Variants in IL15 observed in about 807,000 individuals in gnomAD.
IL15 encodes the protein interleukin 15, also known as interleukin-15.
In IL15, 11 loss-of-function variants were observed where a neutral mutation model predicts 19.6. The ratio of observed to expected loss-of-function variants is 0.56; its 90% CI spans 0.35 to 0.93. The LOEUF (loss-of-function observed/expected upper bound fraction) is 0.93. Ranked by LOEUF, IL15 falls within the 40% of genes least tolerant of loss-of-function variation. The pLI is 0.01. For missense variants in IL15, 197 were observed against 186.5 expected, an observed-to-expected ratio of 1.06 and a Z score of -0.33; for synonymous variants, 58 against 59.6, an observed-to-expected ratio of 0.97 and a Z score of 0.12.
chr4:141,675,277 C>T (rs922549605), intron 2 of IL15, among the ~76,000 whole-genome samples: 5 of 152,056 alleles, frequency 3.3e-5, no homozygotes, highest in Non-Finnish European at 7.3e-5. Flanking sequence ...ATACACAAAT[C>T]TATCATTAAA....
chr4:141,726,941 A>C (rs934356199), intron 5 of IL15, among the ~76,000 whole-genome samples: 3 of 152,166 alleles, frequency 2.0e-5, no homozygotes, highest in African/African-American at 7.2e-5. Context: ...TGTTGAGTGA[A>C]AGATGGGGAC....
intron 1 of IL15, among the ~76,000 whole-genome samples, chr4:141,642,898 T>C (rs1299612112): frequency 1.3e-5 from 2 of 152,214 alleles, no homozygotes; most frequent in Non-Finnish European, 2.9e-5. Context: ...TCCATGTGCT[T>C]AGCAGAGGGT....
chr4:141,725,934 C>T (rs1730246415), intron 5 of IL15, among the ~76,000 whole-genome samples: 1 of 152,174 alleles, frequency 6.6e-6, no homozygotes, highest in South Asian at 2.1e-4. Context: ...TGGGGGCTCT[C>T]TGGAGTCCAG....
intron 2 of IL15, among the ~76,000 whole-genome samples, chr4:141,670,921 G>A (rs914359057): frequency 2.0e-5 from 3 of 152,152 alleles, no homozygotes; most frequent in Admixed American, 6.5e-5. Context: ...AACTAGTATG[G>A]AGAAGAAAGA....
intron 2 of IL15, among the ~76,000 whole-genome samples, chr4:141,661,262 C>T (rs1490963927): frequency 6.6e-6 from 1 of 152,124 alleles, no homozygotes; most frequent in Non-Finnish European, 1.5e-5. Context: ...TGATGACTGT[C>T]ATCAGGTAAG....
chr4:141,688,120 C>A (rs537672049), intron 2 of IL15, among the ~76,000 whole-genome samples: 2 of 152,052 alleles, frequency 1.3e-5, no homozygotes, highest in Non-Finnish European at 2.9e-5. Flanking sequence ...TTACAAAGGC[C>A]CTGGTCTAGT....
At chr4:141,685,308 G>A (rs1728673951) in intron 2 of IL15, among the ~76,000 whole-genome samples, 2 of 152,160 alleles carry the variant, frequency 1.3e-5, no homozygotes, top group South Asian at 4.1e-4. Flanking sequence ...AGATGTTAAA[G>A]ATGTAATTGA....
In IL15 at chr4:141,649,400, G is replaced by A. The variant is rs139113276; in HGVS notation, c.-221-6786G>A. On this transcript the variant is annotated intron_variant, in intron 1 of 7. Coordinates refer to ENST00000320650, the MANE Select transcript of IL15 (RefSeq NM_000585.5). ...TAAGTAAACTGAAGCACCAGGAAGTGTGGTGACTGGTGCAGGGACTACCAG... is the reference window on the plus strand; with the variant it reads ...TAAGTAAACTGAAGCACCAGGAAGTATGGTGACTGGTGCAGGGACTACCAG... 9.7e-4 allele frequency among the ~76,000 whole-genome samples: 148 copies of A among 152,206 alleles called. 1 individual carries two copies. The highest frequency in any genetic ancestry group is 3.2e-3 in the African/African-American group (133 of 41,546).
chr4:141,657,859 A>C (rs1227455290), intron 2 of IL15, among the ~76,000 whole-genome samples: 1 of 152,248 alleles, frequency 6.6e-6, no homozygotes, highest in Non-Finnish European at 1.5e-5. Context: ...TACACCATAC[A>C]ATAATGATAA....
In IL15 at chr4:141,732,647, A is replaced by G. The variant is rs1730487317; in HGVS notation, c.379-91A>G. On this transcript the variant is annotated intron_variant, in intron 7 of 7. Coordinates refer to ENST00000320650, the MANE Select transcript of IL15 (RefSeq NM_000585.5). ...CTTTCATATCTCAAGACCTCACCAT[A>G]TGGTTCAAACGATATGATATTCCCA... The G allele has an allele frequency of 1.1e-5, 17 of 1,511,242 alleles. No individual in the cohort carries two copies. In the South Asian group the frequency reaches 2.2e-4, roughly 19 times the overall value. The allele number at this position is 1,511,242 out of a possible 1,614,324, so 93.6% of individuals were successfully genotyped here. A position where few individuals can be genotyped will look rare whatever the true frequency, so the allele number is the denominator to read the frequency against.
chr4:141,653,753 C>T (rs946021604), intron 1 of IL15, among the ~76,000 whole-genome samples: 48 of 152,050 alleles, frequency 3.2e-4, no homozygotes, highest in African/African-American at 1.1e-3. Flanking sequence ...CATTCTTTTG[C>T]TATTACAGGA....
chr4:141,652,679 T>G (rs1308559959), intron 1 of IL15, among the ~76,000 whole-genome samples: 1 of 152,062 alleles, frequency 6.6e-6, no homozygotes, highest in Non-Finnish European at 1.5e-5. Context: ...AATAAACAAT[T>G]AGAAGAATGG....
intron 1 of IL15, among the ~76,000 whole-genome samples, chr4:141,638,771 T>C (rs563524219): frequency 6.6e-6 from 1 of 152,360 alleles, no homozygotes; most frequent in African/African-American, 2.4e-5. Flanking sequence ...TCAGGACAGC[T>C]AGAAGAGCAG....
rs551669792 is a variant in IL15 at position 141,641,078 on chromosome 4, A to G, written c.-222+4330A>G. The stretch of plus-strand genomic sequence containing the variant: ...GTATTTTGCTTATGTGCCTTCTAAT[A>G]GAAATCTGACAAAGTAGTCCTTGCA... On this transcript the variant is annotated intron_variant, in intron 1 of 7. Transcript: ENST00000320650. Among the ~76,000 whole-genome samples the G allele has an allele frequency of 3.3e-5, 5 of 152,318 alleles. No individual in the cohort carries two copies. The South Asian group carries it at 1.0e-3, about 32-fold the overall frequency.
chr4:141,696,863 G>GT (rs565832072), intron 2 of IL15, among the ~76,000 whole-genome samples: 135 of 151,704 alleles, frequency 8.9e-4, no homozygotes, highest in African/African-American at 3.1e-3. Flanking sequence ...GTGATTATTT[G>GT]TTTTTTTCTT....
intron 2 of IL15, chr4:141,714,857 C>G (rs1452734727): frequency 6.6e-6 from 1 of 152,158 alleles, no homozygotes; most frequent in African/African-American, 2.4e-5. Context: ...ACCTACATCA[C>G]TCCCTCATGA....
chr4:141,712,145 A>C (rs1729734616), intron 2 of IL15, among the ~76,000 whole-genome samples: 1 of 151,950 alleles, frequency 6.6e-6, no homozygotes, highest in Non-Finnish European at 1.5e-5. Flanking sequence ...CTGTTTATGG[A>C]ACTCCTTTTG....
chr4:141,651,854 A>G (rs1578990022), intron 1 of IL15, among the ~76,000 whole-genome samples: 1 of 152,060 alleles, frequency 6.6e-6, no homozygotes, highest in African/African-American at 2.4e-5. Flanking sequence ...ACTCACTTCT[A>G]CCTTCTGTAC....
intron 2 of IL15, among the ~76,000 whole-genome samples, chr4:141,660,044 T>A (rs907140520): frequency 6.6e-6 from 1 of 152,196 alleles, no homozygotes; most frequent in African/African-American, 2.4e-5. Flanking sequence ...TAAGTGTAAT[T>A]TGTTCCTTGG....
Sources: gnomAD v4.1 joint callset for allele counts (sites outside exome capture counted in the v4.1 genomes callset) on GRCh38, gnomAD v4.1.1 for gene constraint, MANE v1.5 for transcripts, NCBI Gene and HGNC (gene_info 2026-07-23, HGNC 2026-07-21) for gene names.